IFT88: variants seen among roughly 807,000 people sequenced by gnomAD.
The protein encoded by IFT88 is intraflagellar transport protein 88 homolog.
A neutral mutation model predicts 119.5 loss-of-function variants in IFT88; 74 were observed. That is an observed-to-expected ratio of 0.62 (90% CI 0.51 to 0.75). The LOEUF is 0.75. Among genes scored for constraint, IFT88 ranks in the 30% least tolerant of loss-of-function variants. The probability of loss-of-function intolerance (pLI) is 0.00; values close to 1 mark genes in which losing one functional copy is unlikely to be tolerated. For missense variants in IFT88, 961 were observed against 977.7 expected (o/e 0.98, Z 0.23); for synonymous variants, 279 against 316.7 (o/e 0.88, Z 1.26).
intron 24 of IFT88, among the ~76,000 whole-genome samples, chr13:20,679,907 A>G (rs1427092091): frequency 6.6e-6 from 1 of 152,190 alleles, no homozygotes; most frequent in Admixed American, 6.5e-5. Context: ...TGTACTTCTT[A>G]TAGTGTCCAC....
chr13:20,648,041 G>A (rs1395076173), intron 20 of IFT88, among the ~76,000 whole-genome samples: 1 of 152,158 alleles, frequency 6.6e-6, no homozygotes, highest in East Asian at 1.9e-4. Context: ...ATGGAATGAT[G>A]TAAAGTCCTG....
chr13:20,675,199 G>A lies in IFT88; in HGVS notation c.2242+4160G>A, dbSNP rs567467410. 2.6e-5 allele frequency among the ~76,000 whole-genome samples: 4 copies of A among 152,144 alleles called. No homozygotes were observed. The South Asian group carries it at 6.2e-4, about 24-fold the overall frequency. ...TAGGCCTAAATGTAGAGGACAGGCC[G>A]ACACAAGTCAGCCAATTACAGAAGG... is the stretch of plus-strand genomic sequence containing the variant. On this transcript the variant is annotated intron_variant, in intron 24 of 25. Transcript: ENST00000351808.
At chr13:20,644,182 C>T (rs1336696427) in intron 19 of IFT88, among the ~76,000 whole-genome samples, 2 of 152,088 alleles carry the variant, frequency 1.3e-5, no homozygotes, top group Non-Finnish European at 2.9e-5. Flanking sequence ...GCCTAGGCAA[C>T]ATAACAAGAC....
intron 20 of IFT88, among the ~76,000 whole-genome samples, chr13:20,651,847 A>C (rs1363715929): frequency 6.6e-6 from 1 of 152,170 alleles, no homozygotes; most frequent in Non-Finnish European, 1.5e-5. Flanking sequence ...CATACTCACC[A>C]CAGATAAGGG....
At chr13:20,575,787 A>G (rs2037262781) in intron 2 of IFT88, among the ~76,000 whole-genome samples, 2 of 152,224 alleles carry the variant, frequency 1.3e-5, no homozygotes. Context: ...AGTTTTTGCC[A>G]TTTTAATTGC....
chr13:20,674,087 G>A (rs995429237), intron 24 of IFT88, among the ~76,000 whole-genome samples: 7 of 152,210 alleles, frequency 4.6e-5, no homozygotes, highest in Middle Eastern at 3.4e-3. Flanking sequence ...CTGGTTCCAC[G>A]CTGACACTTT....
intron 7 of IFT88, among the ~76,000 whole-genome samples, chr13:20,595,740 A>C (rs980835739): frequency 4.6e-5 from 7 of 152,040 alleles, no homozygotes; most frequent in African/African-American, 1.7e-4. Flanking sequence ...CACATTGTTC[A>C]ATGTTGAAAG....
At chr13:20,651,886 T>C (rs1043825968) in intron 20 of IFT88, among the ~76,000 whole-genome samples, 1 of 152,160 alleles carries the variant, frequency 6.6e-6, no homozygotes, top group Non-Finnish European at 1.5e-5. Flanking sequence ...TAAAATGGAA[T>C]ATTATTCCAC....
chr13:20,643,504 G>A lies in IFT88; in HGVS notation c.1732G>A (p.Val578Met), dbSNP rs763475487. The A allele has an allele frequency of 6.2e-7, 1 of 1,611,882 alleles. No individual in the cohort carries two copies. The highest frequency in any genetic ancestry group is 8.5e-7 in the Non-Finnish European group (1 of 1,178,890). Reference protein sequence around the residue: ...PSQAIEWLMQVVSVIPTDPQV... With the variant: ...PSQAIEWLMQMVSVIPTDPQV... ...TCAAGCTATTGAATGGCTAATGCAG[G>A]TGGTCAGTGTTATTCCAACCGATCC... is the stretch of plus-strand genomic sequence containing the variant. The change falls in exon 19 of 26, where the codon GTG becomes ATG. Residue 578 changes from valine (V) to methionine (M), a missense_variant. Val to Met is a conservative substitution (Grantham distance 21). Coordinates refer to ENST00000351808, the MANE Select transcript of IFT88 (RefSeq NM_006531.5).
At chr13:20,675,870 G>C (rs555389982) in intron 24 of IFT88, among the ~76,000 whole-genome samples, 18 of 152,274 alleles carry the variant, frequency 1.2e-4, no homozygotes, top group Admixed American at 2.0e-4. Flanking sequence ...AATAGGGTGG[G>C]CCAGATTTGG....
chr13:20,660,271 T>G (rs1003967456), intron 22 of IFT88, among the ~76,000 whole-genome samples: 5 of 152,064 alleles, frequency 3.3e-5, no homozygotes, highest in African/African-American at 1.2e-4. Flanking sequence ...CATGACGATA[T>G]GGAGGTCAAT....
At position 20,606,681 on chromosome 13, in the gene IFT88, C is replaced by T. The variant is rs373822528; in HGVS notation, c.1112+1576C>T. 7.7e-4 allele frequency among the ~76,000 whole-genome samples: 117 copies of T among 152,266 alleles called. 2 individuals are homozygous for T. The South Asian group carries it at 0.021, about 27-fold the overall frequency. ...ATAACCTGAGGTCAAAAGTTCGAGA[C>T]CAGCCTGACCAATATGGTGAAACCT... On this transcript the variant is annotated intron_variant, in intron 13 of 25. Transcript: ENST00000351808.
intron 12 of IFT88, among the ~76,000 whole-genome samples, chr13:20,604,402 T>C (rs1344751231): frequency 1.3e-5 from 2 of 152,196 alleles, no homozygotes; most frequent in Non-Finnish European, 2.9e-5. Context: ...TACTAAGTAA[T>C]TGATGATTGA....
intron 14 of IFT88, among the ~76,000 whole-genome samples, chr13:20,620,605 C>A (rs913045558): frequency 1.3e-5 from 2 of 152,090 alleles, no homozygotes; most frequent in Admixed American, 6.5e-5. Flanking sequence ...CTTACTCTGT[C>A]GCCAGGCTGG....
At chr13:20,605,007 C>CT in intron 12 of IFT88, 28 bp from the exon 13 acceptor site, 6 of 1,127,766 alleles carry the variant, frequency 5.3e-6, no homozygotes, top group East Asian at 2.4e-5. Flanking sequence ...CTGAATTATT[C>CT]TTTTTTTCTT....
intron 24 of IFT88, among the ~76,000 whole-genome samples, chr13:20,674,263 C>T (rs933802048): frequency 1.3e-5 from 2 of 152,192 alleles, no homozygotes; most frequent in South Asian, 4.1e-4. Context: ...TTTATATTCT[C>T]TGCAGATAAA....
chr13:20,587,459 T>C (rs539709587), intron 3 of IFT88, among the ~76,000 whole-genome samples: 7 of 152,264 alleles, frequency 4.6e-5, no homozygotes, highest in Admixed American at 1.3e-4. Context: ...AGTTTCACCA[T>C]GTTAGTCAGG....
At chr13:20,577,004 C>A (rs1053630157) in intron 2 of IFT88, among the ~76,000 whole-genome samples, 23 of 152,100 alleles carry the variant, frequency 1.5e-4, no homozygotes, top group African/African-American at 5.1e-4. Flanking sequence ...GAACATGAAA[C>A]ATCTTTCCAT....
intron 22 of IFT88, among the ~76,000 whole-genome samples, chr13:20,658,041 G>C (rs2140678897): frequency 6.6e-6 from 1 of 152,190 alleles, no homozygotes; most frequent in African/African-American, 2.4e-5. Flanking sequence ...TAACTTAACA[G>C]CAGTAGTTTT....
Sources: allele counts gnomAD v4.1 joint callset (sites outside exome capture counted in the v4.1 genomes callset), GRCh38; gene constraint gnomAD v4.1.1; transcripts MANE v1.5; gene names NCBI Gene and HGNC (gene_info 2026-07-23, HGNC 2026-07-21).